The following NREP variants were observed in gnomAD, a reference collection of about 807,000 sequenced individuals.
NREP encodes neuronal regeneration related protein.
NREP carries 5 observed loss-of-function variants against 8.6 expected under a neutral mutation model. The ratio of observed to expected loss-of-function variants is 0.58; its 90% CI spans 0.30 to 1.22. NREP has a LOEUF of 1.22. Ranked by LOEUF, NREP falls within the 50% of genes most tolerant of loss-of-function variation. The pLI is 0.07. For missense variants in NREP, 86 were observed against 82.5 expected, an observed-to-expected ratio of 1.04 and a Z score of -0.17; for synonymous variants, 27 against 28.0, an observed-to-expected ratio of 0.96 and a Z score of 0.11.
intron 2 of NREP, among the ~76,000 whole-genome samples, chr5:111,785,563 C>A (rs955046323): frequency 6.6e-6 from 1 of 152,150 alleles, no homozygotes; most frequent in African/African-American, 2.4e-5. Flanking sequence ...CAGGCATGAA[C>A]CTCTGTGCCT....
chr5:111,919,718 G>A (rs1055043651), intron 2 of NREP, among the ~76,000 whole-genome samples: 1 of 152,040 alleles, frequency 6.6e-6, no homozygotes. Flanking sequence ...ACCGGGGCCT[G>A]TCAGGGGTTG....
chr5:111,773,265 G>T (rs1177468780), intron 2 of NREP, among the ~76,000 whole-genome samples: 1 of 152,078 alleles, frequency 6.6e-6, no homozygotes, highest in Non-Finnish European at 1.5e-5. Flanking sequence ...GTTCTGGGAA[G>T]ATATACCTTA....
intron 2 of NREP, among the ~76,000 whole-genome samples, chr5:111,902,432 C>A (rs1181654504): frequency 6.6e-6 from 1 of 152,088 alleles, no homozygotes; most frequent in Non-Finnish European, 1.5e-5. Context: ...CAAGTAGAAT[C>A]AAGATTCTGA....
chr5:111,898,187 T>C (rs867914596), intron 2 of NREP, among the ~76,000 whole-genome samples: 7 of 152,156 alleles, frequency 4.6e-5, no homozygotes, highest in African/African-American at 1.7e-4. Context: ...ATCTGGCTGT[T>C]ACGTTGAGAA....
chr5:111,941,155 G>A (rs1755818457), intron 2 of NREP, among the ~76,000 whole-genome samples: 1 of 152,060 alleles, frequency 6.6e-6, no homozygotes, highest in Non-Finnish European at 1.5e-5. Context: ...CAAAGGAATT[G>A]TAAATAGGCA....
chr5:111,976,699 T>G, intron 1 of NREP: 1 of 1,549,230 alleles, frequency 6.5e-7, no homozygotes, highest in Non-Finnish European at 8.7e-7. Flanking sequence ...AGTAAGTTAT[T>G]CTTCACATAC....
chr5:111,960,808 C>T (rs1023305362), intron 2 of NREP, among the ~76,000 whole-genome samples: 1 of 152,016 alleles, frequency 6.6e-6, no homozygotes, highest in Non-Finnish European at 1.5e-5. Context: ...AGTTTAAATG[C>T]CTTGCAAGTT....
At chr5:111,899,302 C>T (rs1378185671) in intron 2 of NREP, among the ~76,000 whole-genome samples, 2 of 152,028 alleles carry the variant, frequency 1.3e-5, no homozygotes, top group Non-Finnish European at 2.9e-5. Flanking sequence ...CTGCTTGTGG[C>T]CAGGAATTTG....
At chr5:111,817,377 AC>A (rs1368498940) in intron 2 of NREP, among the ~76,000 whole-genome samples, 1 of 152,112 alleles carries the variant, frequency 6.6e-6, no homozygotes, top group Non-Finnish European at 1.5e-5. Flanking sequence ...TTAAATTTTT[AC>A]CTTTAATTTT....
chr5:111,840,642 T>C (rs767682406), intron 2 of NREP, among the ~76,000 whole-genome samples: 2 of 152,136 alleles, frequency 1.3e-5, no homozygotes, highest in African/African-American at 2.4e-5. Context: ...AGTCACTCTT[T>C]AGAAAGCTGT....
In NREP at chr5:111,730,909, G is replaced by A; in HGVS notation, c.*12C>T. 6.2e-7 allele frequency: 1 copy of A among 1,613,684 alleles called. No homozygotes were observed. On this transcript the variant is annotated 3_prime_UTR_variant, in exon 4 of 4. Coordinates refer to ENST00000257435, the MANE Select transcript of NREP (RefSeq NM_004772.4). ...CCATACACCATATGTAATACAAATG[G>A]AGGTGTTACGATTAAAAAAAGTGGA...
intron 2 of NREP, among the ~76,000 whole-genome samples, chr5:111,886,712 T>G (rs1275594692): frequency 1.3e-5 from 2 of 150,536 alleles, no homozygotes; most frequent in Admixed American, 6.6e-5. Flanking sequence ...CTCAGTAAAC[T>G]ATCGCAAGAA....
chr5:111,781,247 T>C (rs1477460964), intron 2 of NREP, among the ~76,000 whole-genome samples: 1 of 152,154 alleles, frequency 6.6e-6, no homozygotes, highest in Non-Finnish European at 1.5e-5. Context: ...CTGCATGGTT[T>C]CTGAGGCTCG....
chr5:111,862,413 A>G (rs949255318), intron 2 of NREP, among the ~76,000 whole-genome samples: 2 of 152,234 alleles, frequency 1.3e-5, no homozygotes, highest in African/African-American at 4.8e-5. Context: ...TTTCCAAAGA[A>G]TGACAGAGTA....
chr5:111,838,626 C>T (rs550507920), intron 2 of NREP, among the ~76,000 whole-genome samples: 9 of 152,000 alleles, frequency 5.9e-5, no homozygotes, highest in Admixed American at 1.3e-4. Flanking sequence ...GGAGGGTTTC[C>T]TGTCAGCTGG....
chr5:111,929,390 G>C (rs1044780580), intron 2 of NREP, among the ~76,000 whole-genome samples: 28 of 152,160 alleles, frequency 1.8e-4, no homozygotes, highest in Admixed American at 4.6e-4. Context: ...CTGAGTCCTT[G>C]GTTCTTTACC....
chr5:111,904,927 C>A (rs958273132), intron 2 of NREP, among the ~76,000 whole-genome samples: 1 of 152,068 alleles, frequency 6.6e-6, no homozygotes, highest in Non-Finnish European at 1.5e-5. Flanking sequence ...AAGTTAACCT[C>A]TGTTTCGGGA....
At chr5:111,972,521 GACA>G (rs1326967113) in intron 2 of NREP, among the ~76,000 whole-genome samples, 2 of 152,058 alleles carry the variant, frequency 1.3e-5, no homozygotes, top group Non-Finnish European at 2.9e-5. Flanking sequence ...ATTATTTACT[GACA>G]ACATTTACTG....
At chr5:111,814,779 C>T (rs1752347336) in intron 2 of NREP, among the ~76,000 whole-genome samples, 1 of 152,000 alleles carries the variant, frequency 6.6e-6, no homozygotes, top group Middle Eastern at 3.2e-3. Context: ...ATTAGAAGAA[C>T]ACATTGCTCT....
Sources: gnomAD v4.1 joint callset for allele counts (sites outside exome capture counted in the v4.1 genomes callset) on GRCh38, gnomAD v4.1.1 for gene constraint, MANE v1.5 for transcripts, NCBI Gene and HGNC (gene_info 2026-07-23, HGNC 2026-07-21) for gene names.